SYNPR: variants seen among roughly 807,000 people sequenced by gnomAD.
SYNPR encodes synaptoporin.
SYNPR carries 23 observed loss-of-function variants against 32.9 expected under a neutral mutation model. The observed-to-expected ratio is 0.70, with a 90% CI of 0.50 to 0.99. The LOEUF is 0.99. Ranked by LOEUF, SYNPR falls within the 50% of genes least tolerant of loss-of-function variation. The probability of loss-of-function intolerance (pLI) is 0.00; values close to 1 mark genes in which losing one functional copy is unlikely to be tolerated. For missense variants in SYNPR, 318 were observed against 349.3 expected (o/e 0.91, Z 0.71); for synonymous variants, 146 against 135.9 (o/e 1.07, Z -0.52).
At chr3:63,202,133 T>C in the SYNPR span, among the ~76,000 whole-genome samples, 1 of 152,186 alleles carries the variant, frequency 6.6e-6, no homozygotes, top group Non-Finnish European at 1.5e-5. Context: ...TAGGATCAGC[T>C]GTGTGGTTTT....
At chr3:63,489,560 T>C (rs1701218526) in intron 3 of SYNPR, among the ~76,000 whole-genome samples, 2 of 152,190 alleles carry the variant, frequency 1.3e-5, no homozygotes, top group Admixed American at 6.5e-5. Flanking sequence ...TTCTTATTAA[T>C]TTTTTATTAA....
At chr3:63,486,538 T>C (rs923030419) in intron 3 of SYNPR, among the ~76,000 whole-genome samples, 4 of 152,336 alleles carry the variant, frequency 2.6e-5, no homozygotes, top group African/African-American at 9.6e-5. Flanking sequence ...CTGAATCCTC[T>C]AAGGAGTTGC....
At chr3:63,327,454 T>C (rs2087180056) in intron 2 of SYNPR, among the ~76,000 whole-genome samples, 1 of 152,154 alleles carries the variant, frequency 6.6e-6, no homozygotes, top group Non-Finnish European at 1.5e-5. Context: ...GTATTATAAA[T>C]GTATTATGTC....
At chr3:63,315,600 C>G (rs969890647) in intron 2 of SYNPR, among the ~76,000 whole-genome samples, 1 of 151,994 alleles carries the variant, frequency 6.6e-6, no homozygotes, top group African/African-American at 2.4e-5. Flanking sequence ...TATCTGGAAA[C>G]TTTGCTGAAT....
chr3:63,526,658 G>A (rs551249825), intron 3 of SYNPR, among the ~76,000 whole-genome samples: 1 of 152,256 alleles, frequency 6.6e-6, no homozygotes, highest in Middle Eastern at 3.4e-3. Context: ...TCCATTTACA[G>A]AAAAATACTA....
intron 2 of SYNPR, among the ~76,000 whole-genome samples, chr3:63,408,338 AAG>A (rs1560221297): frequency 7.0e-6 from 1 of 142,860 alleles, no homozygotes; most frequent in Non-Finnish European, 1.5e-5. Context: ...GAAAGAAAGA[AAG>A]AAAGAAAGAA....
chr3:63,524,870 TGAGAGAGA>T lies in SYNPR; in HGVS notation c.210-31652_210-31645del, dbSNP rs59919433. 4.8e-3 allele frequency among the ~76,000 whole-genome samples: 678 copies of T among 140,660 alleles called. 3 individuals are homozygous for T. The highest frequency in any genetic ancestry group is 5.6e-3 in the Non-Finnish European group (373 of 66,024). 92.3% of individuals were successfully genotyped at this position (140,660 alleles called of 152,430 possible). A position where few individuals can be genotyped will look rare whatever the true frequency, so the allele number is the denominator to read the frequency against. On this transcript the variant is annotated intron_variant, in intron 3 of 5. Transcript: ENST00000478300. ...GTGTGTGCATGTGTGTGTGTGTGTG[TGAGAGAGA>T]GAGAGAGAGAGAGAGAGAGAAGTCA...
chr3:63,565,458 G>A lies in SYNPR; in HGVS notation c.408+8717G>A, dbSNP rs182751970. On this transcript the variant is annotated intron_variant, in intron 4 of 5. Coordinates refer to ENST00000478300, the MANE Select transcript of SYNPR (RefSeq NM_001130003.2). ...ATCGTCTGGAAGGATGGAATACTGC[G>A]TCCTCACGTGGTAGAAGGCAGAAGA... Among the ~76,000 whole-genome samples, 328 of 152,260 alleles carry A rather than the reference G, an allele frequency of 2.2e-3. 1 individual carries two copies. Among genetic ancestry groups the A allele is most frequent in the Non-Finnish European group, 4.3e-3 (292 of 68,032 alleles).
intron 2 of SYNPR, among the ~76,000 whole-genome samples, chr3:63,255,440 T>A (rs1018266245): frequency 2.6e-5 from 4 of 152,208 alleles, no homozygotes; most frequent in African/African-American, 4.8e-5. Flanking sequence ...GCCAAGGTAC[T>A]ACACAAATAC....
intron 5 of SYNPR, 125 bp downstream of exon 5, chr3:63,609,441 G>C (rs1293845071): frequency 1.3e-6 from 1 of 753,536 alleles, no homozygotes. Flanking sequence ...CAAAAGGTGA[G>C]ATACTTCACC....
intron 2 of SYNPR, among the ~76,000 whole-genome samples, chr3:63,451,735 T>G (rs1307614306): frequency 6.6e-6 from 1 of 152,178 alleles, no homozygotes; most frequent in Admixed American, 6.5e-5. Context: ...CAAGTACAGA[T>G]GCTCGGAGAA....
intron 2 of SYNPR, among the ~76,000 whole-genome samples, chr3:63,408,995 T>C (rs2088425904): frequency 1.3e-5 from 2 of 152,152 alleles, no homozygotes; most frequent in African/African-American, 2.4e-5. Context: ...GATCTTAAGT[T>C]CTTCTACCCT....
intron 2 of SYNPR, among the ~76,000 whole-genome samples, chr3:63,285,983 G>A (rs1056142191): frequency 5.3e-5 from 8 of 152,182 alleles, no homozygotes; most frequent in Non-Finnish European, 1.0e-4. Flanking sequence ...GGAGAAAGTA[G>A]AAATTCATCA....
At chr3:63,203,068 G>GTGTATATATATATATATA in the SYNPR span, 140 of 108,482 alleles carry the variant, frequency 1.3e-3, 2 homozygotes, top group African/African-American at 5.5e-3. Flanking sequence ...ATATGTATGT[G>GTGTATATATATATATATA]TATATATATA....
chr3:63,458,251 C>T (rs181347662), intron 2 of SYNPR, among the ~76,000 whole-genome samples: 8 of 152,188 alleles, frequency 5.3e-5, no homozygotes, highest in Middle Eastern at 3.4e-3. Context: ...TATCAGTTAG[C>T]TTTTGCTGCA....
intron 3 of SYNPR, among the ~76,000 whole-genome samples, chr3:63,502,210 G>A (rs1413206737): frequency 6.6e-6 from 1 of 152,028 alleles, no homozygotes; most frequent in Non-Finnish European, 1.5e-5. Flanking sequence ...GTTGGGCAGT[G>A]CTGATCTAGG....
chr3:63,481,089 T>A lies in SYNPR; in HGVS notation c.209+133T>A, dbSNP rs1386372584. 1.6e-5 allele frequency: 20 copies of A among 1,264,946 alleles called. No homozygotes were observed. The South Asian group carries it at 2.5e-4, about 16-fold the overall frequency. The allele number at this position is 1,264,946 out of a possible 1,614,324, so 78.4% of individuals were successfully genotyped here. A position where few individuals can be genotyped will look rare whatever the true frequency, so the allele number is the denominator to read the frequency against. The stretch of plus-strand genomic sequence containing the variant: ...AAGTATTCTGCCTGCACCCACGGAA[T>A]GCCCAAACACAGTGCCCACTCACCA... On this transcript the variant is annotated intron_variant, in intron 3 of 5. Transcript: ENST00000478300.
At chr3:63,274,000 G>A (rs531223082), upstream of SYNPR, among the ~76,000 whole-genome samples, 22 of 152,082 alleles carry the variant, frequency 1.4e-4, no homozygotes, top group African/African-American at 1.7e-4. Context: ...ACAAATAAAC[G>A]CACAGGCATG....
chr3:63,273,565 G>A (rs2086553479), upstream of SYNPR, among the ~76,000 whole-genome samples: 1 of 152,052 alleles, frequency 6.6e-6, no homozygotes, highest in Non-Finnish European at 1.5e-5. Context: ...TTGGTCCTCT[G>A]ATTTGCATGT....
Sources: allele counts gnomAD v4.1 joint callset (sites outside exome capture counted in the v4.1 genomes callset), GRCh38; gene constraint gnomAD v4.1.1; transcripts MANE v1.5; gene names NCBI Gene and HGNC (gene_info 2026-07-23, HGNC 2026-07-21).